Variants in NCMAP observed in about 807,000 individuals in gnomAD.
NCMAP encodes noncompact myelin-associated protein.
A neutral mutation model predicts 7.8 loss-of-function variants in NCMAP; 8 were observed. The observed-to-expected ratio is 1.02, with a 90% CI of 0.60 to 1.84. The LOEUF (loss-of-function observed/expected upper bound fraction) is 1.84. Ranked by LOEUF, NCMAP falls within the 40% of genes most tolerant of loss-of-function variation. NCMAP has a pLI of 0.00. For missense variants in NCMAP, 112 were observed against 131.4 expected (o/e 0.85, Z 0.72); for synonymous variants, 41 against 52.9 (o/e 0.78, Z 0.98).
At position 24,606,185 on chromosome 1, in the gene NCMAP, A is replaced by G. The variant is rs1014856175; in HGVS notation, c.*438A>G. 1 of 156,574 alleles carries G rather than the reference A, an allele frequency of 6.4e-6. No individual in the cohort carries two copies. Among genetic ancestry groups the G allele is most frequent in the African/African-American group, 2.4e-5 (1 of 41,608 alleles). 9.7% of individuals were successfully genotyped at this position (156,574 alleles called of 1,614,324 possible). A position where few individuals can be genotyped will look rare whatever the true frequency, so the allele number is the denominator to read the frequency against. On this transcript the variant is annotated 3_prime_UTR_variant, in exon 4 of 4. Transcript: ENST00000374392. ...TTCACAGAGCAAAACATTCAATCCC[A>G]TAACCAGGCACAGGGGAACTAACTT...
At chr1:24,586,094 C>G (rs1355954871) in intron 1 of NCMAP, among the ~76,000 whole-genome samples, 2 of 152,208 alleles carry the variant, frequency 1.3e-5, no homozygotes, top group African/African-American at 4.8e-5. Flanking sequence ...TTTATTCTCA[C>G]AACCCCACGA....
chr1:24,578,715 A>G (rs1344756282), intron 1 of NCMAP, among the ~76,000 whole-genome samples: 1 of 151,786 alleles, frequency 6.6e-6, no homozygotes, highest in Non-Finnish European at 1.5e-5. Context: ...GGCACATGCT[A>G]CCATGCCCAG....
chr1:24,589,850 T>G (rs988939021), intron 1 of NCMAP, among the ~76,000 whole-genome samples: 2 of 151,980 alleles, frequency 1.3e-5, no homozygotes, highest in African/African-American at 4.8e-5. Flanking sequence ...TGAGACAGAG[T>G]CTTGTTCTGT....
rs192680384 is a variant in NCMAP at position 24,557,782 on chromosome 1, G to A, written c.-8+1613G>A. Among the ~76,000 whole-genome samples the A allele has an allele frequency of 2.5e-3, 377 of 152,300 alleles. 7 individuals carry two copies. The East Asian group carries it at 0.033, about 13-fold the overall frequency. On this transcript the variant is annotated intron_variant, in intron 1 of 3. Transcript: ENST00000374392. ...CCTGCTGGGCTCTGTGCTGGCTGGG[G>A]CCGAGATGAGCTGTGGGGAGGCAGC...
chr1:24,591,062 AG>A (rs146782244), intron 1 of NCMAP, among the ~76,000 whole-genome samples: 25,753 of 152,078 alleles, frequency 0.17, 2,255 homozygotes, highest in East Asian at 0.21. Context: ...ACTTTATCTG[AG>A]GAAGGTAAAA....
rs934150596 is a variant in NCMAP, at chr1:24,571,643, T to C, written c.-8+15474T>C. ...CTCTGTCGCCCAGGCTGAAGTGACATGGCACGATCTCGGCTCACTGCAACC... is the reference window on the plus strand; with the variant it reads ...CTCTGTCGCCCAGGCTGAAGTGACACGGCACGATCTCGGCTCACTGCAACC... On this transcript the variant is annotated intron_variant, in intron 1 of 3. Transcript: ENST00000374392. 3.3e-5 allele frequency among the ~76,000 whole-genome samples: 5 copies of C among 150,196 alleles called. 1 individual carries two copies. The highest frequency in any genetic ancestry group is 1.3e-4 in the African/African-American group (5 of 39,650).
intron 1 of NCMAP, among the ~76,000 whole-genome samples, chr1:24,592,953 G>C (rs960169224): frequency 2.0e-5 from 3 of 151,964 alleles, no homozygotes; most frequent in Non-Finnish European, 4.4e-5. Context: ...GCTGAGGCTG[G>C]TGGATCACTT....
At chr1:24,591,262 G>T (rs1348567625) in intron 1 of NCMAP, among the ~76,000 whole-genome samples, 1 of 152,100 alleles carries the variant, frequency 6.6e-6, no homozygotes, top group Admixed American at 6.6e-5. Flanking sequence ...GGCGACTGGG[G>T]ACTGGGCTGT....
intron 2 of NCMAP, among the ~76,000 whole-genome samples, chr1:24,597,983 A>G (rs1017793528): frequency 6.6e-6 from 1 of 152,038 alleles, no homozygotes; most frequent in Non-Finnish European, 1.5e-5. Context: ...GGTGGGGGGA[A>G]CTTGGAGGCA....
rs539239291 is a variant in NCMAP, at chr1:24,569,957, T to A, written c.-8+13788T>A. On this transcript the variant is annotated intron_variant, in intron 1 of 3. Coordinates refer to ENST00000374392, the MANE Select transcript of NCMAP (RefSeq NM_001010980.5). ...CCTCAGTTTCCTCACTTAAAAAAAA[T>A]TTTTTTTTGAGACAATTTTTCTTGC... is the stretch of plus-strand genomic sequence containing the variant. 6.7e-5 allele frequency among the ~76,000 whole-genome samples: 10 copies of A among 149,906 alleles called. No homozygotes were observed. In the South Asian group the frequency reaches 8.3e-4, roughly 13 times the overall value.
chr1:24,558,914 A>G (rs1383770868), intron 1 of NCMAP, among the ~76,000 whole-genome samples: 1 of 152,184 alleles, frequency 6.6e-6, no homozygotes, highest in Non-Finnish European at 1.5e-5. Flanking sequence ...AAAGAAAAGA[A>G]AAGAAAGGTA....
At chr1:24,573,363 G>A (rs866158154) in intron 1 of NCMAP, among the ~76,000 whole-genome samples, 2 of 150,800 alleles carry the variant, frequency 1.3e-5, no homozygotes, top group Non-Finnish European at 2.9e-5. Context: ...GGCCAAGGTC[G>A]TGGATCACGA....
At position 24,595,439 on chromosome 1, in the gene NCMAP, A is replaced by G. The variant is rs773601769; in HGVS notation, c.9A>G (p.Thr3=). The G allele has an allele frequency of 6.2e-7, 1 of 1,613,314 alleles. No individual in the cohort carries two copies. Among genetic ancestry groups the G allele is most frequent in the East Asian group, 2.2e-5 (1 of 44,884 alleles). Residue 3 remains threonine (T), a synonymous_variant, in exon 2 of 4, where the codon ACA becomes ACG. Coordinates refer to ENST00000374392, the MANE Select transcript of NCMAP (RefSeq NM_001010980.5). MT[T]ATPLGDTTFF... Reference sequence around the variant, plus strand: ...TTCTCATCAGGATCGAGATGACCACAGCCACCCCTCTGGGGGATACCACCT... The same window carrying G: ...TTCTCATCAGGATCGAGATGACCACGGCCACCCCTCTGGGGGATACCACCT...
intron 1 of NCMAP, among the ~76,000 whole-genome samples, chr1:24,575,407 T>C (rs1472844540): frequency 2.0e-5 from 3 of 152,050 alleles, no homozygotes; most frequent in Non-Finnish European, 2.9e-5. Flanking sequence ...TCAGACAGGT[T>C]TATTGGGCAG....
chr1:24,592,869 T>A (rs1233886820), intron 1 of NCMAP, among the ~76,000 whole-genome samples: 1 of 151,760 alleles, frequency 6.6e-6, no homozygotes, highest in Non-Finnish European at 1.5e-5. Context: ...CAGTGAGCCG[T>A]GATCATGCCA....
intron 3 of NCMAP, among the ~76,000 whole-genome samples, chr1:24,604,760 T>G (rs1204997965): frequency 7.6e-5 from 11 of 144,182 alleles, no homozygotes; most frequent in Non-Finnish European, 1.7e-4. Flanking sequence ...GTGGGGAGGA[T>G]CACTTGCCAG....
intron 1 of NCMAP, among the ~76,000 whole-genome samples, chr1:24,588,905 T>C (rs1445429592): frequency 6.6e-6 from 1 of 152,138 alleles, no homozygotes; most frequent in African/African-American, 2.4e-5. Context: ...AGCCCCACAT[T>C]GATTTGGGCC....
chr1:24,558,680 G>A (rs972365658), intron 1 of NCMAP, among the ~76,000 whole-genome samples: 5 of 152,094 alleles, frequency 3.3e-5, no homozygotes, highest in African/African-American at 1.2e-4. Context: ...GTGTGTTAGA[G>A]GTGACAGGAT....
At chr1:24,605,484 A>G in intron 3 of NCMAP, 122 bp from the exon 4 acceptor site, 1 of 1,148,028 alleles carries the variant, frequency 8.7e-7, no homozygotes, top group Non-Finnish European at 1.2e-6. Flanking sequence ...GCAAGTAAGC[A>G]ATGTGATTTA....
Sources: gnomAD v4.1 joint callset for allele counts (sites outside exome capture counted in the v4.1 genomes callset) on GRCh38, gnomAD v4.1.1 for gene constraint, MANE v1.5 for transcripts, NCBI Gene and HGNC (gene_info 2026-07-23, HGNC 2026-07-21) for gene names.